The following LHFPL3 variants were observed in gnomAD, a reference collection of about 807,000 sequenced individuals.
LHFPL3 encodes the protein LHFPL tetraspan subfamily member 3.
LHFPL3 carries 5 observed loss-of-function variants against 19.3 expected under a neutral mutation model. The ratio of observed to expected loss-of-function variants is 0.26; its 90% CI spans 0.14 to 0.54. The LOEUF (loss-of-function observed/expected upper bound fraction) is 0.54. Ranked by LOEUF, LHFPL3 falls within the 20% of genes least tolerant of loss-of-function variation. The pLI is 0.94. For synonymous variants in LHFPL3, 133 were observed against 126.2 expected (o/e 1.05, Z -0.36); for missense variants, 249 against 307.4 (o/e 0.81, Z 1.42).
chr7:104,491,925 G>A (rs187070714), intron 1 of LHFPL3, among the ~76,000 whole-genome samples: 12 of 152,212 alleles, frequency 7.9e-5, no homozygotes, highest in Admixed American at 7.8e-4. Context: ...GCAATACTAA[G>A]TTTCATTCCA....
chr7:104,602,313 G>A (rs962026442), intron 1 of LHFPL3, among the ~76,000 whole-genome samples: 27 of 152,130 alleles, frequency 1.8e-4, no homozygotes, highest in East Asian at 1.2e-3. Flanking sequence ...GAGCCGCTGC[G>A]CCCAGCCAGC....
intron 1 of LHFPL3, among the ~76,000 whole-genome samples, chr7:104,688,568 C>A (rs1243838315): frequency 9.0e-6 from 1 of 111,508 alleles, no homozygotes; most frequent in Admixed American, 1.0e-4. Flanking sequence ...GCCTCCCCAC[C>A]CCCCTGTGGT....
chr7:104,770,614 G>A (rs910948648), intron 2 of LHFPL3, among the ~76,000 whole-genome samples: 7 of 152,148 alleles, frequency 4.6e-5, no homozygotes, highest in African/African-American at 1.7e-4. Flanking sequence ...TCTGGGAATG[G>A]TGAATATCTA....
At chr7:104,765,071 A>C (rs1390497026) in intron 2 of LHFPL3, among the ~76,000 whole-genome samples, 5 of 152,234 alleles carry the variant, frequency 3.3e-5, no homozygotes, top group Admixed American at 3.3e-4. Flanking sequence ...GCCATTTCTT[A>C]TCTTGTGTTC....
chr7:104,706,098 A>G (rs973719709), intron 1 of LHFPL3, among the ~76,000 whole-genome samples: 1 of 152,142 alleles, frequency 6.6e-6, no homozygotes, highest in African/African-American at 2.4e-5. Context: ...CCAGGGACAC[A>G]TTCTCAGGCC....
intron 1 of LHFPL3, among the ~76,000 whole-genome samples, chr7:104,447,817 A>G (rs532787401): frequency 6.6e-6 from 1 of 152,196 alleles, no homozygotes; most frequent in Admixed American, 6.5e-5. Flanking sequence ...TGTACTATAT[A>G]CATTTTATAT....
chr7:104,400,625 G>A (rs1437600169), intron 1 of LHFPL3, among the ~76,000 whole-genome samples: 1 of 151,978 alleles, frequency 6.6e-6, no homozygotes, highest in Non-Finnish European at 1.5e-5. Context: ...AGTGATACAT[G>A]AAAAAAATCT....
intron 1 of LHFPL3, among the ~76,000 whole-genome samples, chr7:104,496,289 G>A (rs896026935): frequency 2.0e-5 from 3 of 152,164 alleles, no homozygotes; most frequent in African/African-American, 7.2e-5. Context: ...TCCCTACAAA[G>A]GACATGAATT....
intron 1 of LHFPL3, among the ~76,000 whole-genome samples, chr7:104,466,168 C>A (rs936306109): frequency 6.6e-6 from 1 of 152,032 alleles, no homozygotes; most frequent in Non-Finnish European, 1.5e-5. Context: ...ATACTTTTAC[C>A]CAGCAACAAC....
chr7:104,883,401 G>C (rs910076594), intron 2 of LHFPL3, among the ~76,000 whole-genome samples: 18 of 152,180 alleles, frequency 1.2e-4, no homozygotes, highest in Non-Finnish European at 2.5e-4. Context: ...CCTCCTGGCA[G>C]CTGAGTGCAT....
At chr7:104,606,129 G>T (rs4265112) in intron 1 of LHFPL3, among the ~76,000 whole-genome samples, 1 of 152,080 alleles carries the variant, frequency 6.6e-6, no homozygotes, top group South Asian at 2.1e-4. Context: ...CCAAAGTGTT[G>T]AGATTACAGG....
chr7:104,650,434 G>A (rs1792011099), intron 1 of LHFPL3, among the ~76,000 whole-genome samples: 1 of 152,152 alleles, frequency 6.6e-6, no homozygotes. Flanking sequence ...CCTACTTAGC[G>A]AGCAGTCCCT....
chr7:104,545,347 T>C (rs866979646), intron 1 of LHFPL3, among the ~76,000 whole-genome samples: 2 of 152,160 alleles, frequency 1.3e-5, no homozygotes, highest in African/African-American at 4.8e-5. Context: ...TTCTCTCTAA[T>C]GTCCACCCCT....
intron 2 of LHFPL3, among the ~76,000 whole-genome samples, chr7:104,749,282 A>G (rs1794110944): frequency 1.3e-5 from 2 of 152,284 alleles, no homozygotes; most frequent in African/African-American, 4.8e-5. Context: ...ATAACAGTCA[A>G]TTAATTTATC....
chr7:104,898,006 C>CTTTTTTTTTTTT lies in LHFPL3; in HGVS notation c.683-8171_683-8160dup, dbSNP rs71155536. 2.3e-4 allele frequency among the ~76,000 whole-genome samples: 22 copies of CTTTTTTTTTTTT among 96,808 alleles called. 3 individuals are homozygous for CTTTTTTTTTTTT. Among genetic ancestry groups the CTTTTTTTTTTTT allele is most frequent in the South Asian group, 7.5e-4 (2 of 2,670 alleles). The allele number at this position is 96,808 out of a possible 152,430, so 63.5% of individuals were successfully genotyped here. On this transcript the variant is annotated intron_variant, in intron 2 of 2. Transcript: ENST00000424859. The stretch of plus-strand genomic sequence containing the variant: ...CTGCTGACAGAAAGAAATGTCACCC[C>CTTTTTTTTTTTT]TTTTTTTTTTTTTTTTTTTTTGATA...
chr7:104,625,596 C>A (rs922792651), intron 1 of LHFPL3, among the ~76,000 whole-genome samples: 1 of 151,998 alleles, frequency 6.6e-6, no homozygotes, highest in East Asian at 1.9e-4. Context: ...CCATATTATC[C>A]TCTTTATCAT....
At chr7:104,434,234 G>A (rs1010295834) in intron 1 of LHFPL3, among the ~76,000 whole-genome samples, 8 of 152,220 alleles carry the variant, frequency 5.3e-5, no homozygotes, top group Non-Finnish European at 1.0e-4. Context: ...GTATGATAGA[G>A]CTAGGGCATA....
intron 1 of LHFPL3, among the ~76,000 whole-genome samples, chr7:104,417,799 G>A (rs547797787): frequency 1.4e-4 from 22 of 151,952 alleles, no homozygotes; most frequent in Admixed American, 1.1e-3. Context: ...GTAAGTACAC[G>A]AATGTGCTCA....
At chr7:104,514,932 G>C (rs1793891578) in intron 1 of LHFPL3, among the ~76,000 whole-genome samples, 3 of 152,074 alleles carry the variant, frequency 2.0e-5, no homozygotes, top group African/African-American at 7.2e-5. Flanking sequence ...CTTCTTTTCT[G>C]TTAGAATAAT....
Sources: gnomAD v4.1 joint callset for allele counts (sites outside exome capture counted in the v4.1 genomes callset) on GRCh38, gnomAD v4.1.1 for gene constraint, MANE v1.5 for transcripts, NCBI Gene and HGNC (gene_info 2026-07-23, HGNC 2026-07-21) for gene names.